GULP1: variants seen among roughly 807,000 people sequenced by gnomAD.
GULP1 encodes GULP PTB domain containing engulfment adaptor 1.
A neutral mutation model predicts 40.9 loss-of-function variants in GULP1; 19 were observed. The observed-to-expected ratio is 0.46, with a 90% CI of 0.32 to 0.68. GULP1 has a LOEUF of 0.68. Among genes scored for constraint, GULP1 ranks in the 30% least tolerant of loss-of-function variants. The pLI, the probability that GULP1 is intolerant of heterozygous loss-of-function variation, is 0.03. For missense variants in GULP1, 312 were observed against 362.2 expected, an observed-to-expected ratio of 0.86 and a Z score of 1.12; for synonymous variants, 119 against 117.6, an observed-to-expected ratio of 1.01 and a Z score of -0.08.
intron 9 of GULP1, among the ~76,000 whole-genome samples, chr2:188,582,113 A>AATG (rs1441098772): frequency 1.3e-5 from 2 of 152,158 alleles, no homozygotes; most frequent in African/African-American, 4.8e-5. Context: ...AATACCAAAA[A>AATG]ATGTAATATT....
rs78298276 is a variant in GULP1 at position 188,500,668 on chromosome 2, G to A, written c.90+17176G>A. Among the ~76,000 whole-genome samples, 110 of 152,006 alleles carry A rather than the reference G, an allele frequency of 7.2e-4. No homozygotes were observed. In the East Asian group the frequency reaches 0.018, roughly 25 times the overall value. On this transcript the variant is annotated intron_variant, in intron 4 of 11. Coordinates refer to ENST00000409830, the MANE Select transcript of GULP1 (RefSeq NM_016315.4). ...TTAAGCTGTTCTTGAACATGTTTGC[G>A]TAGTACAGACATCACCATCAAGATT... is the stretch of plus-strand genomic sequence containing the variant.
chr2:188,404,483 C>T (rs750075187), intron 2 of GULP1, among the ~76,000 whole-genome samples: 8 of 152,126 alleles, frequency 5.3e-5, no homozygotes, highest in Non-Finnish European at 8.8e-5. Context: ...GGTTTTGCCT[C>T]GGATCTGAAC....
At chr2:188,492,483 A>G (rs563121364) in intron 4 of GULP1, among the ~76,000 whole-genome samples, 1 of 152,130 alleles carries the variant, frequency 6.6e-6, no homozygotes, top group South Asian at 2.1e-4. Flanking sequence ...CTCCACCAAT[A>G]ATTTTCTAAG....
At chr2:188,565,203 C>T (rs1697354177) in intron 7 of GULP1, among the ~76,000 whole-genome samples, 1 of 151,934 alleles carries the variant, frequency 6.6e-6, no homozygotes, top group Admixed American at 6.6e-5. Context: ...ATACAATGGA[C>T]TTTATCAAAA....
intron 1 of GULP1, among the ~76,000 whole-genome samples, chr2:188,325,605 A>G (rs1000421782): frequency 1.1e-4 from 16 of 152,190 alleles, no homozygotes; most frequent in Non-Finnish European, 2.4e-4. Flanking sequence ...AATTTATAGG[A>G]CCACTATGGA....
chr2:188,536,121 A>C (rs997746806), intron 6 of GULP1, among the ~76,000 whole-genome samples: 2 of 152,032 alleles, frequency 1.3e-5, no homozygotes, highest in East Asian at 3.9e-4. Flanking sequence ...ATAGTTTGCA[A>C]ATATTTTCTC....
chr2:188,295,974 A>G (rs1412050065), intron 1 of GULP1, among the ~76,000 whole-genome samples: 1 of 152,092 alleles, frequency 6.6e-6, no homozygotes, highest in Non-Finnish European at 1.5e-5. Flanking sequence ...TTTGTGATTC[A>G]ATTCGCGATA....
chr2:188,400,819 C>T (rs1011586229), intron 2 of GULP1, among the ~76,000 whole-genome samples: 1 of 151,848 alleles, frequency 6.6e-6, no homozygotes, highest in Admixed American at 6.6e-5. Flanking sequence ...GAATTAGAGA[C>T]AAAGGATGCT....
At chr2:188,299,331 T>C (rs541145708) in intron 1 of GULP1, among the ~76,000 whole-genome samples, 95 of 152,256 alleles carry the variant, frequency 6.2e-4, no homozygotes, top group African/African-American at 2.2e-3. Flanking sequence ...AACGAGGAAG[T>C]TAAACTTTCA....
At chr2:188,483,759 T>A (rs2061621280) in intron 4 of GULP1, among the ~76,000 whole-genome samples, 1 of 152,112 alleles carries the variant, frequency 6.6e-6, no homozygotes, top group Admixed American at 6.6e-5. Flanking sequence ...ATTTGCAATA[T>A]CATGGCTTGT....
chr2:188,524,588 A>G (rs541328863), intron 5 of GULP1, among the ~76,000 whole-genome samples: 210 of 148,068 alleles, frequency 1.4e-3, no homozygotes, highest in African/African-American at 5.0e-3. Flanking sequence ...CTTTTTATCT[A>G]TTTTTATATA....
At chr2:188,383,585 A>G (rs1335165446) in intron 1 of GULP1, among the ~76,000 whole-genome samples, 178 bp from the exon 2 acceptor site, 1 of 152,222 alleles carries the variant, frequency 6.6e-6, no homozygotes, top group Non-Finnish European at 1.5e-5. Flanking sequence ...GGTATCAGTA[A>G]TAATGTTTTC....
chr2:188,306,446 G>C (rs936973001), intron 1 of GULP1, among the ~76,000 whole-genome samples: 3 of 152,062 alleles, frequency 2.0e-5, no homozygotes, highest in African/African-American at 7.2e-5. Context: ...GATCTCTGTG[G>C]TATTTGTTGC....
At chr2:188,363,188 A>G (rs2152387591) in intron 1 of GULP1, among the ~76,000 whole-genome samples, 1 of 152,218 alleles carries the variant, frequency 6.6e-6, no homozygotes, top group South Asian at 2.1e-4. Context: ...TTAAAGTCAT[A>G]ACATCTAACT....
At chr2:188,358,355 A>G (rs1049422060) in intron 1 of GULP1, among the ~76,000 whole-genome samples, 1 of 152,184 alleles carries the variant, frequency 6.6e-6, no homozygotes, top group African/African-American at 2.4e-5. Context: ...GGGATAGGAT[A>G]GGGAGTGGTT....
chr2:188,519,676 CT>C (rs1163878892), intron 4 of GULP1, among the ~76,000 whole-genome samples: 34 of 152,314 alleles, frequency 2.2e-4, no homozygotes, highest in African/African-American at 7.9e-4. Flanking sequence ...TGAAACAGTG[CT>C]TTTCAAACCT....
At chr2:188,562,216 A>G (rs1462693667) in intron 7 of GULP1, among the ~76,000 whole-genome samples, 1 of 152,166 alleles carries the variant, frequency 6.6e-6, no homozygotes, top group Non-Finnish European at 1.5e-5. Flanking sequence ...GTTCTATCAC[A>G]TGGTCTACGA....
chr2:188,585,233 C>G (rs2153463538), intron 10 of GULP1, among the ~76,000 whole-genome samples: 1 of 152,320 alleles, frequency 6.6e-6, no homozygotes, highest in South Asian at 2.1e-4. Flanking sequence ...CTGCAGGGTA[C>G]AGCCCCCATA....
intron 2 of GULP1, among the ~76,000 whole-genome samples, chr2:188,476,709 T>C (rs913078018): frequency 6.6e-6 from 1 of 152,154 alleles, no homozygotes; most frequent in African/African-American, 2.4e-5. Flanking sequence ...TGTCAATTCA[T>C]GAATATTCTG....
Sources: allele counts gnomAD v4.1 joint callset (sites outside exome capture counted in the v4.1 genomes callset), GRCh38; gene constraint gnomAD v4.1.1; transcripts MANE v1.5; gene names NCBI Gene and HGNC (gene_info 2026-07-23, HGNC 2026-07-21).